FAM78B: variants seen among roughly 807,000 people sequenced by gnomAD.
The protein encoded by FAM78B is family with sequence similarity 78 member B, also known as protein FAM78B.
A neutral mutation model predicts 20.0 loss-of-function variants in FAM78B; 10 were observed. That is an observed-to-expected ratio of 0.50 (90% confidence interval 0.31 to 0.85). The LOEUF is 0.85. Ranked by LOEUF, FAM78B falls within the 40% of genes least tolerant of loss-of-function variation. FAM78B has a pLI of 0.05. For missense variants in FAM78B, 283 were observed against 345.0 expected, an observed-to-expected ratio of 0.82 and a Z score of 1.42; for synonymous variants, 135 against 132.8, an observed-to-expected ratio of 1.02 and a Z score of -0.12.
intron 1 of FAM78B, among the ~76,000 whole-genome samples, chr1:166,105,426 G>A (rs1369223175): frequency 1.1e-3 from 169 of 151,938 alleles, no homozygotes; most frequent in African/African-American, 3.9e-3. Flanking sequence ...GCAACCTACA[G>A]AATGGGAGAA....
At chr1:166,091,695 T>C (rs893798392) in intron 1 of FAM78B, among the ~76,000 whole-genome samples, 1 of 152,186 alleles carries the variant, frequency 6.6e-6, no homozygotes. Context: ...CCATAAGGAT[T>C]TGGAGGCTGA....
chr1:166,121,249 G>C (rs2101768696), intron 1 of FAM78B, among the ~76,000 whole-genome samples: 1 of 152,266 alleles, frequency 6.6e-6, no homozygotes, highest in East Asian at 1.9e-4. Context: ...TGGTCCTGGG[G>C]ACTTCAGCAT....
chr1:166,098,959 T>C (rs4449996), intron 1 of FAM78B, among the ~76,000 whole-genome samples: 92,137 of 151,980 alleles, frequency 0.61, 29,539 homozygotes, highest in Non-Finnish European at 0.73. Context: ...TTATCCAAAG[T>C]TAAGATGAAG....
At chr1:166,065,454 CAAT>C (rs975421044), downstream of FAM78B, among the ~76,000 whole-genome samples, 30 of 152,312 alleles carry the variant, frequency 2.0e-4, no homozygotes, top group Admixed American at 3.9e-4. Context: ...TTAATAACAA[CAAT>C]GACAGATCAG....
At chr1:166,084,452 T>C (rs1036770419) in intron 1 of FAM78B, among the ~76,000 whole-genome samples, 12 of 152,158 alleles carry the variant, frequency 7.9e-5, no homozygotes, top group African/African-American at 2.9e-4. Flanking sequence ...TGGATAAGGA[T>C]ATGTCCAGCT....
At chr1:166,152,645 T>C (rs1490306498) in intron 1 of FAM78B, among the ~76,000 whole-genome samples, 4 of 151,534 alleles carry the variant, frequency 2.6e-5, no homozygotes, top group African/African-American at 4.9e-5. Flanking sequence ...GGGAAGTTCT[T>C]GGTACTCTGG....
chr1:166,100,394 C>A (rs1246301175), intron 1 of FAM78B, among the ~76,000 whole-genome samples: 9 of 152,236 alleles, frequency 5.9e-5, no homozygotes, highest in Admixed American at 1.3e-4. Context: ...CAGGGCAAGG[C>A]ATTGCCTCAC....
chr1:166,082,403 A>G (rs1433088024), intron 1 of FAM78B, among the ~76,000 whole-genome samples: 1 of 152,130 alleles, frequency 6.6e-6, no homozygotes, highest in Non-Finnish European at 1.5e-5. Flanking sequence ...ATGGGGTCTC[A>G]CTACCTTTCC....
chr1:166,135,095 C>A (rs564221602), intron 1 of FAM78B, among the ~76,000 whole-genome samples: 1 of 152,174 alleles, frequency 6.6e-6, no homozygotes, highest in South Asian at 2.1e-4. Flanking sequence ...GGTCCCTACA[C>A]GTTCCCTGAA....
chr1:166,106,807 A>C (rs1168839613), intron 1 of FAM78B, among the ~76,000 whole-genome samples: 1 of 152,174 alleles, frequency 6.6e-6, no homozygotes, highest in African/African-American at 2.4e-5. Context: ...GATCACTTAT[A>C]CCCGAAACCT....
intron 1 of FAM78B, among the ~76,000 whole-genome samples, chr1:166,083,514 CT>C (rs1557893160): frequency 1.3e-5 from 2 of 151,890 alleles, no homozygotes; most frequent in Non-Finnish European, 2.9e-5. Context: ...TAGGTTTTTC[CT>C]TTTTTTTGAA....
intron 1 of FAM78B, among the ~76,000 whole-genome samples, chr1:166,079,629 C>T (rs1001631517): frequency 1.3e-5 from 2 of 152,164 alleles, no homozygotes; most frequent in African/African-American, 2.4e-5. Flanking sequence ...GGCTGAGGGT[C>T]ACTTGTTCCT....
intron 1 of FAM78B, among the ~76,000 whole-genome samples, chr1:166,157,036 AGG>A (rs796777949): frequency 2.1e-3 from 2 of 938 alleles, no homozygotes; most frequent in East Asian, 0.062. Flanking sequence ...GGGGCGGCGG[AGG>A]GGGGGGGGGG....
At chr1:166,081,987 C>T (rs934641631) in intron 1 of FAM78B, among the ~76,000 whole-genome samples, 4 of 152,166 alleles carry the variant, frequency 2.6e-5, no homozygotes, top group Admixed American at 1.3e-4. Context: ...CCCATGGCCG[C>T]CACCCTTCTC....
In FAM78B at chr1:166,166,013, A is replaced by G; in HGVS notation, c.236T>C (p.Phe79Ser). 1 of 1,613,772 alleles carries G rather than the reference A, an allele frequency of 6.2e-7. No homozygotes were observed. Among genetic ancestry groups the G allele is most frequent in the South Asian group, 1.1e-5 (1 of 91,072 alleles). Residue 79 changes from phenylalanine (F) to serine (S), a missense_variant, in exon 1 of 2, where the codon TTC becomes TCC. Coordinates refer to ENST00000354422, the MANE Select transcript of FAM78B (RefSeq NM_001017961.5). The part of the protein sequence containing the change: ...GWIQACNQME[F>S]FNTYSDLGMS... ...GCCCAGGTCGCTGTAGGTGTTGAAG[A>G]ACTCCATCTGATTGCACGCCTGAAT...
At chr1:166,140,492 A>C (rs1260581581) in intron 1 of FAM78B, among the ~76,000 whole-genome samples, 1 of 152,224 alleles carries the variant, frequency 6.6e-6, no homozygotes, top group Non-Finnish European at 1.5e-5. Context: ...ATGACCAATA[A>C]ATCAGACTTG....
intron 1 of FAM78B, among the ~76,000 whole-genome samples, chr1:166,078,565 A>G (rs1384525682): frequency 1.3e-5 from 2 of 152,216 alleles, no homozygotes; most frequent in Non-Finnish European, 2.9e-5. Context: ...ATTTCATTCA[A>G]ATAAGCAGTC....
chr1:166,165,098 C>A (rs1328509662), intron 1 of FAM78B: 2 of 152,214 alleles, frequency 1.3e-5, no homozygotes, highest in African/African-American at 4.8e-5. Context: ...CCGCAGCAGC[C>A]AAGCCCGGCG....
intron 1 of FAM78B, among the ~76,000 whole-genome samples, chr1:166,115,826 C>T (rs1329115370): frequency 6.6e-6 from 1 of 152,224 alleles, no homozygotes; most frequent in African/African-American, 2.4e-5. Flanking sequence ...CATTTCCCAT[C>T]TCAGTCAAAT....
Sources: allele counts gnomAD v4.1 joint callset (sites outside exome capture counted in the v4.1 genomes callset), GRCh38; gene constraint gnomAD v4.1.1; transcripts MANE v1.5; gene names NCBI Gene and HGNC (gene_info 2026-07-23, HGNC 2026-07-21).